POU2F1: variants seen among roughly 807,000 people sequenced by gnomAD.
The protein encoded by POU2F1 is POU domain, class 2, transcription factor 1.
POU2F1 carries 16 observed loss-of-function variants against 84.9 expected under a neutral mutation model. That is an observed-to-expected ratio of 0.19 (90% CI 0.13 to 0.29). The LOEUF (loss-of-function observed/expected upper bound fraction) is 0.29, where lower values mean the gene tolerates loss of function less well. Ranked by LOEUF, POU2F1 falls within the 10% of genes least tolerant of loss-of-function variation. The pLI is 1.00. For synonymous variants in POU2F1, 368 were observed against 368.3 expected (o/e 1.00, Z 0.01); for missense variants, 738 against 942.6 (o/e 0.78, Z 2.84).
At chr1:167,221,329 G>A (rs1008405491) in intron 1 of POU2F1, among the ~76,000 whole-genome samples, 2 of 151,122 alleles carry the variant, frequency 1.3e-5, no homozygotes, top group Admixed American at 6.6e-5. Context: ...GGGGCGGCGG[G>A]GCCGGGGCAG....
chr1:167,392,296 G>A (rs1648475772), intron 9 of POU2F1, among the ~76,000 whole-genome samples: 1 of 150,858 alleles, frequency 6.6e-6, no homozygotes, highest in Non-Finnish European at 1.5e-5. Context: ...AGGTTGCAGT[G>A]AGCCAAGATC....
intron 5 of POU2F1, among the ~76,000 whole-genome samples, chr1:167,373,157 A>G (rs962791677): frequency 7.9e-5 from 12 of 152,200 alleles, no homozygotes; most frequent in Non-Finnish European, 1.6e-4. Context: ...TTTCTAATGC[A>G]CAAATTGTGT....
At chr1:167,339,364 T>C (rs1354628103) in intron 2 of POU2F1, among the ~76,000 whole-genome samples, 2 of 152,234 alleles carry the variant, frequency 1.3e-5, no homozygotes. Flanking sequence ...TGATGGGCTG[T>C]TGTTCTGCTT....
chr1:167,401,368 G>GCCGT, intron 12 of POU2F1, 83 bp from the exon 13 acceptor site: 2 of 924,486 alleles, frequency 2.2e-6, no homozygotes, highest in Non-Finnish European at 1.6e-6. Context: ...TCAATTCCAA[G>GCCGT]ATCAAAGAAA....
At chr1:167,225,402 A>G (rs980990715) in intron 1 of POU2F1, among the ~76,000 whole-genome samples, 7 of 152,254 alleles carry the variant, frequency 4.6e-5, no homozygotes, top group African/African-American at 1.7e-4. Context: ...GTGTTCTGCC[A>G]TATTTTAAAT....
chr1:167,241,867 G>A (rs2173296), intron 1 of POU2F1, among the ~76,000 whole-genome samples: 140,552 of 152,238 alleles, frequency 0.92, 65,875 homozygotes, highest in Non-Finnish European at 1. Context: ...AAAATAATTT[G>A]AGGGTTTTGA....
chr1:167,341,713 T>C (rs1308065256), intron 2 of POU2F1, among the ~76,000 whole-genome samples: 2 of 152,200 alleles, frequency 1.3e-5, no homozygotes, highest in African/African-American at 4.8e-5. Context: ...GTGCACTCTT[T>C]TAGCCTTGCC....
At chr1:167,384,294 C>G (rs1472403433) in intron 8 of POU2F1, among the ~76,000 whole-genome samples, 1 of 152,114 alleles carries the variant, frequency 6.6e-6, no homozygotes, top group Non-Finnish European at 1.5e-5. Flanking sequence ...CATTGTTACC[C>G]TTTACCCTTT....
Position 167,414,524 on chromosome 1 carries a change from A to G in POU2F1, c.1991-976A>G, listed in dbSNP as rs190358705. 2.1e-4 allele frequency: 204 copies of G among 985,396 alleles called. 2 individuals carry two copies. The African/African-American group carries it at 3.4e-3, about 16-fold the overall frequency. The allele number at this position is 985,396 out of a possible 1,614,324, so 61.0% of individuals were successfully genotyped here. On this transcript the variant is annotated intron_variant, in intron 15 of 15. Transcript: ENST00000367866. ...TCCCTCAAATCTACATGTAGGAGTG[A>G]GGTTATATGGCTAGAGAGATTTAGG...
At chr1:167,299,759 A>C (rs1051877440) in intron 1 of POU2F1, among the ~76,000 whole-genome samples, 2 of 150,648 alleles carry the variant, frequency 1.3e-5, no homozygotes, top group Admixed American at 1.3e-4. Flanking sequence ...GGGATAAAGC[A>C]TTGCATTTTC....
At chr1:167,397,854 T>A in intron 10 of POU2F1, 140 bp from the exon 11 acceptor site, 1 of 871,632 alleles carries the variant, frequency 1.1e-6, no homozygotes. Flanking sequence ...CAATAAGCAA[T>A]ATTGTAATGT....
At chr1:167,407,222 G>GT (rs1649645797) in intron 13 of POU2F1, among the ~76,000 whole-genome samples, 1 of 151,906 alleles carries the variant, frequency 6.6e-6, no homozygotes, top group Admixed American at 6.6e-5. Flanking sequence ...TAGAGACGAG[G>GT]TTTTGCCATA....
intron 10 of POU2F1, 132 bp from the exon 11 acceptor site, chr1:167,397,862 T>C (rs1455521842): frequency 1.1e-6 from 1 of 936,794 alleles, no homozygotes; most frequent in East Asian, 2.7e-5. Flanking sequence ...AATATTGTAA[T>C]GTAGGTTATG....
chr1:167,343,494 T>C (rs1273484712), intron 2 of POU2F1, among the ~76,000 whole-genome samples: 1 of 152,136 alleles, frequency 6.6e-6, no homozygotes, highest in African/African-American at 2.4e-5. Context: ...TTAAAGAATT[T>C]TTGGTATAAA....
intron 1 of POU2F1, among the ~76,000 whole-genome samples, chr1:167,314,839 G>C (rs1655766488): frequency 1.3e-5 from 2 of 152,150 alleles, no homozygotes; most frequent in Admixed American, 1.3e-4. Context: ...TCCCCACCCA[G>C]ATCTCATGTC....
intron 11 of POU2F1, 31 bp from the exon 12 acceptor site, chr1:167,399,155 G>A (rs771708601): frequency 6.4e-7 from 1 of 1,572,656 alleles, no homozygotes; most frequent in South Asian, 1.2e-5. Flanking sequence ...GCAAAGGATA[G>A]CTTTTGGAAT....
intron 1 of POU2F1, among the ~76,000 whole-genome samples, chr1:167,236,729 G>A (rs1233592975): frequency 1.3e-5 from 2 of 152,144 alleles, no homozygotes; most frequent in Non-Finnish European, 2.9e-5. Flanking sequence ...GAAAGGGGAT[G>A]GTTGCAGAGT....
intron 1 of POU2F1, among the ~76,000 whole-genome samples, chr1:167,236,779 A>G (rs1466206664): frequency 6.6e-6 from 1 of 152,188 alleles, no homozygotes; most frequent in African/African-American, 2.4e-5. Context: ...GTGGTCCTGG[A>G]GAGTCATACC....
chr1:167,280,199 A>G (rs1489069495), intron 1 of POU2F1, among the ~76,000 whole-genome samples: 1 of 152,028 alleles, frequency 6.6e-6, no homozygotes, highest in African/African-American at 2.4e-5. Context: ...GGGAAAAAAA[A>G]AAAAAACTTA....
Sources: gnomAD v4.1 joint callset for allele counts (sites outside exome capture counted in the v4.1 genomes callset) on GRCh38, gnomAD v4.1.1 for gene constraint, MANE v1.5 for transcripts, NCBI Gene and HGNC (gene_info 2026-07-23, HGNC 2026-07-21) for gene names.